The following SRPK2 variants were observed in gnomAD, a reference collection of about 807,000 sequenced individuals.
SRPK2 encodes the protein SFRS protein kinase 2.
In SRPK2, 21 loss-of-function variants were observed where a neutral mutation model predicts 90.8. The observed-to-expected ratio is 0.23, with a 90% confidence interval of 0.16 to 0.33. SRPK2 has a LOEUF of 0.33. Ranked by LOEUF, SRPK2 falls within the 10% of genes least tolerant of loss-of-function variation. The pLI, the probability that SRPK2 is intolerant of heterozygous loss-of-function variation, is 1.00. For synonymous variants in SRPK2, 288 were observed against 311.1 expected (o/e 0.93, Z 0.78); for missense variants, 620 against 869.0 (o/e 0.71, Z 3.60).
At chr7:105,357,042 T>TA (rs1378786678) in intron 2 of SRPK2, among the ~76,000 whole-genome samples, 2 of 152,012 alleles carry the variant, frequency 1.3e-5, no homozygotes, top group Non-Finnish European at 2.9e-5. Flanking sequence ...CACTAATTTT[T>TA]TTTTTTTTTT....
intron 2 of SRPK2, among the ~76,000 whole-genome samples, chr7:105,210,789 A>G (rs746215692): frequency 6.6e-6 from 1 of 152,218 alleles, no homozygotes; most frequent in Non-Finnish European, 1.5e-5. Context: ...AAGAAGTGGA[A>G]GCGGAGCGGC....
chr7:105,361,514 C>A (rs1818421477), intron 2 of SRPK2, among the ~76,000 whole-genome samples: 1 of 152,084 alleles, frequency 6.6e-6, no homozygotes, highest in Non-Finnish European at 1.5e-5. Context: ...CACGCACTGC[C>A]AAGACAATCC....
At chr7:105,203,530 T>A in intron 3 of SRPK2, 98 bp downstream of exon 3, 1 of 1,327,042 alleles carries the variant, frequency 7.5e-7, no homozygotes, top group Non-Finnish European at 9.9e-7. Context: ...ACCAAGCAAT[T>A]TGCATCACTA....
chr7:105,270,416 T>C (rs1190457879), intron 2 of SRPK2, among the ~76,000 whole-genome samples: 2 of 151,208 alleles, frequency 1.3e-5, no homozygotes, highest in African/African-American at 2.4e-5. Flanking sequence ...TGCCCTTTTT[T>C]TTTTTTTTTT....
At chr7:105,258,524 C>G (rs1434520319) in intron 2 of SRPK2, among the ~76,000 whole-genome samples, 1 of 151,622 alleles carries the variant, frequency 6.6e-6, no homozygotes, top group Admixed American at 6.6e-5. Flanking sequence ...ATGTAAATGA[C>G]TATGTTTTAT....
chr7:105,178,454 G>A (rs1015395324), intron 3 of SRPK2, among the ~76,000 whole-genome samples: 1 of 152,178 alleles, frequency 6.6e-6, no homozygotes, highest in African/African-American at 2.4e-5. Flanking sequence ...ATGAATGGGA[G>A]ACTGCTCTAG....
At position 105,285,682 on chromosome 7, in the gene SRPK2, T is replaced by C. The variant is rs145556635; in HGVS notation, c.72-81897A>G. Among the ~76,000 whole-genome samples the C allele has an allele frequency of 3.0e-4, 46 of 152,244 alleles. No individual in the cohort carries two copies. In the East Asian group the frequency reaches 8.3e-3, roughly 28 times the overall value. ...CATGAGATCTGATTGTTTAAAAGTA[T>C]CTGGCACTTACTCCCGCTCTCTCTT... On this transcript the variant is annotated intron_variant, in intron 2 of 15. Transcript: ENST00000393651.
intron 2 of SRPK2, among the ~76,000 whole-genome samples, chr7:105,217,706 T>C (rs775549404): frequency 2.6e-5 from 4 of 152,178 alleles, no homozygotes; most frequent in Non-Finnish European, 4.4e-5. Flanking sequence ...GTTCAAGAAA[T>C]ACTTACAAAG....
chr7:105,270,365 C>G (rs1305746365), intron 2 of SRPK2, among the ~76,000 whole-genome samples: 1 of 150,894 alleles, frequency 6.6e-6, no homozygotes, highest in African/African-American at 2.4e-5. Context: ...AGCAGGGTGT[C>G]AGAGCTCAGA....
upstream of SRPK2, chr7:105,389,023 G>T: frequency 1.0e-6 from 1 of 973,280 alleles, no homozygotes; most frequent in Non-Finnish European, 1.2e-6. Flanking sequence ...CGGGGGTCGG[G>T]ACCCCAGCGC....
intron 2 of SRPK2, among the ~76,000 whole-genome samples, chr7:105,243,281 TC>T (rs1385755709): frequency 1.3e-5 from 2 of 152,162 alleles, no homozygotes; most frequent in Non-Finnish European, 2.9e-5. Context: ...AGGGATTACT[TC>T]CATGTGAGCC....
At chr7:105,130,088 A>G (rs1801783537) in intron 13 of SRPK2, among the ~76,000 whole-genome samples, 1 of 152,328 alleles carries the variant, frequency 6.6e-6, no homozygotes, top group East Asian at 1.9e-4. Flanking sequence ...GTAAAACTCA[A>G]GAAAAGTAAA....
At chr7:105,203,230 T>C (rs1164077923) in intron 3 of SRPK2, among the ~76,000 whole-genome samples, 1 of 152,154 alleles carries the variant, frequency 6.6e-6, no homozygotes, top group South Asian at 2.1e-4. Context: ...ACTCAAGCGA[T>C]CTGCCCACCT....
chr7:105,285,370 G>GT (rs1333192352), intron 2 of SRPK2, among the ~76,000 whole-genome samples: 3 of 117,778 alleles, frequency 2.5e-5, no homozygotes, highest in Non-Finnish European at 4.9e-5. Context: ...GGGCAACAGA[G>GT]TGAGACCCCG....
rs955047262 is a variant in SRPK2, at chr7:105,359,325, A to AT, written c.71+29322dup. Among the ~76,000 whole-genome samples the AT allele has an allele frequency of 5.3e-5, 8 of 151,338 alleles. 1 individual carries two copies. Among genetic ancestry groups the AT allele is most frequent in the Admixed American group, 2.0e-4 (3 of 15,138 alleles). On this transcript the variant is annotated intron_variant, in intron 2 of 15. Transcript: ENST00000393651. The stretch of plus-strand genomic sequence containing the variant: ...AAGCGCATGCCACCATGTCCAGCTA[A>AT]TTTTTTTTATTTTTAGTAGAGATGG...
intron 6 of SRPK2, among the ~76,000 whole-genome samples, chr7:105,164,669 T>C (rs1585013294): frequency 6.6e-6 from 1 of 152,358 alleles, no homozygotes; most frequent in South Asian, 2.1e-4. Flanking sequence ...AGTTTTTCTA[T>C]GAACATGGTG....
intron 2 of SRPK2, among the ~76,000 whole-genome samples, chr7:105,364,611 C>T (rs1818824669): frequency 1.3e-5 from 2 of 151,944 alleles, no homozygotes; most frequent in Non-Finnish European, 2.9e-5. Flanking sequence ...ACTATGTTGG[C>T]CAGGCTGGTC....
chr7:105,307,013 T>G (rs1384712146), intron 2 of SRPK2, among the ~76,000 whole-genome samples: 1 of 152,174 alleles, frequency 6.6e-6, no homozygotes, highest in East Asian at 1.9e-4. Flanking sequence ...AGAGACCGAA[T>G]AGCAGGCAGG....
At chr7:105,228,922 C>T (rs925330589) in intron 2 of SRPK2, among the ~76,000 whole-genome samples, 2 of 152,288 alleles carry the variant, frequency 1.3e-5, no homozygotes, top group Non-Finnish European at 2.9e-5. Context: ...TGTTACAAGT[C>T]CAGTGAAGAG....
Sources: gnomAD v4.1 joint callset for allele counts (sites outside exome capture counted in the v4.1 genomes callset) on GRCh38, gnomAD v4.1.1 for gene constraint, MANE v1.5 for transcripts, NCBI Gene and HGNC (gene_info 2026-07-23, HGNC 2026-07-21) for gene names.